The following TRAF4 variants were observed in gnomAD, a reference collection of about 807,000 sequenced individuals.
TRAF4 encodes the protein TNF receptor-associated factor 4.
In TRAF4, 9 loss-of-function variants were observed where a neutral mutation model predicts 47.3. The ratio of observed to expected loss-of-function variants is 0.19; its 90% CI spans 0.11 to 0.33. The LOEUF is 0.33. Ranked by LOEUF, TRAF4 falls within the 10% of genes least tolerant of loss-of-function variation. The pLI, the probability that TRAF4 is intolerant of heterozygous loss-of-function variation, is 1.00. For synonymous variants in TRAF4, 236 were observed against 236.9 expected (o/e 1.00, Z 0.04); for missense variants, 448 against 620.3 (o/e 0.72, Z 2.95).
chr17:28,746,175 G>T (rs1334477866), intron 1 of TRAF4, among the ~76,000 whole-genome samples: 1 of 152,224 alleles, frequency 6.6e-6, no homozygotes, highest in Admixed American at 6.5e-5. Context: ...GTGGGCTCTG[G>T]TTCCGCCTGG....
Position 28,749,669 on chromosome 17 carries a change from T to C in TRAF4, c.*92T>C. 6.4e-7 allele frequency: 1 copy of C among 1,565,412 alleles called. No homozygotes were observed. The highest frequency in any genetic ancestry group is 8.7e-7 in the Non-Finnish European group (1 of 1,154,420). ...GAGAGGGGGCCGGACCCCCGTCAGCTGCTTCTGCTGCCTAGGTTCTGTTAC... is the reference window on the plus strand; with the variant it reads ...GAGAGGGGGCCGGACCCCCGTCAGCCGCTTCTGCTGCCTAGGTTCTGTTAC... On this transcript the variant is annotated 3_prime_UTR_variant, in exon 7 of 7. Transcript: ENST00000262395.
At chr17:28,744,924 G>A (rs1256762290) in intron 1 of TRAF4, 1 of 152,420 alleles carries the variant, frequency 6.6e-6, no homozygotes, top group East Asian at 1.9e-4. Context: ...CACTCGTGTT[G>A]TTACTGAACT....
At position 28,749,684 on chromosome 17, in the gene TRAF4, G is replaced by T. The variant is rs533141775; in HGVS notation, c.*107G>T. On this transcript the variant is annotated 3_prime_UTR_variant, in exon 7 of 7. Transcript: ENST00000262395. ...CCCCGTCAGCTGCTTCTGCTGCCTA[G>T]GTTCTGTTACCCCATCCTCCCTCCC... 1,787 of 1,549,084 alleles carry T rather than the reference G, an allele frequency of 1.2e-3. 2 individuals carry two copies. The highest frequency in any genetic ancestry group is 1.5e-3 in the Non-Finnish European group (1,703 of 1,145,722).
chr17:28,748,218 G>A (rs922212859), intron 4 of TRAF4, 40 bp downstream of exon 4: 9 of 1,612,920 alleles, frequency 5.6e-6, no homozygotes, highest in South Asian at 1.1e-5. Context: ...GGGGGTACCT[G>A]ATGGCCTAGG....
At chr17:28,748,917 C>T (rs767710286) in intron 6 of TRAF4, 28 bp from the exon 7 acceptor site, 85 of 1,587,774 alleles carry the variant, frequency 5.4e-5, no homozygotes, top group Admixed American at 1.2e-4. Context: ...CTCCTCCCTT[C>T]CCCCATGGCC....
chr17:28,744,125 G>C lies in TRAF4; in HGVS notation c.13G>C (p.Asp5His). The stretch of plus-strand genomic sequence containing the variant: ...CCGCTCGCCCGCCATGCCTGGCTTC[G>C]ACTACAAGTTCCTGGAGAAGCCCAA... MPGF[D>H]YKFLEKPKRR... Residue 5 changes from aspartate to histidine, a missense_variant, in exon 1 of 7, where the codon GAC becomes CAC. By Grantham distance (81) the Asp-to-His change is moderately conservative. Coordinates refer to ENST00000262395, the MANE Select transcript of TRAF4 (RefSeq NM_004295.4). 3 of 1,578,808 alleles carry C rather than the reference G, an allele frequency of 1.9e-6. No individual in the cohort carries two copies. Among genetic ancestry groups the C allele is most frequent in the Non-Finnish European group, 1.7e-6 (2 of 1,171,284 alleles).
rs1300360340 is a variant in TRAF4, at chr17:28,749,797, C to T, written c.*220C>T. ...TCTTGGGGTCATGAAGGGCTGGAAA[C>T]AAGTGACCCCAGGGCCTGTCTCCCT... On this transcript the variant is annotated 3_prime_UTR_variant, in exon 7 of 7. Coordinates refer to ENST00000262395, the MANE Select transcript of TRAF4 (RefSeq NM_004295.4). 2 of 782,846 alleles carry T rather than the reference C, an allele frequency of 2.6e-6. No individual in the cohort carries two copies. Among genetic ancestry groups the T allele is most frequent in the African/African-American group, 1.7e-5 (1 of 58,784 alleles). 48.5% of individuals were successfully genotyped at this position (782,846 alleles called of 1,614,324 possible).
In TRAF4 at chr17:28,747,919, G is replaced by T; in HGVS notation, c.272G>T (p.Arg91Leu). Residue 91 changes from arginine (R) to leucine (L), a missense_variant, in exon 3 of 7, where the codon CGC becomes CTC. Coordinates refer to ENST00000262395, the MANE Select transcript of TRAF4 (RefSeq NM_004295.4). ...TGCATCCACAGTGAGGAGGGCTGCC[G>T]CTGGAGTGGGCCACTACGTCATCTA... ...IRCIHSEEGCRWSGPLRHLQG... is the reference protein window; with the variant it reads ...IRCIHSEEGCLWSGPLRHLQG... 1 of 1,614,122 alleles carries T rather than the reference G, an allele frequency of 6.2e-7. No homozygotes were observed.
chr17:28,749,965 C>G lies in TRAF4; in HGVS notation c.*388C>G, dbSNP rs1331245587. 1 of 670,922 alleles carries G rather than the reference C, an allele frequency of 1.5e-6. No individual in the cohort carries two copies. The highest frequency in any genetic ancestry group is 2.1e-5 in the Admixed American group (1 of 48,154). The allele number at this position is 670,922 out of a possible 1,614,324, so 41.6% of individuals were successfully genotyped here. On this transcript the variant is annotated 3_prime_UTR_variant, in exon 7 of 7. Transcript: ENST00000262395. ...TAGTTCAAAGAGTCTGTCTTGAGATCTGATTTTTTCCCCCTTTACCTAGCT... is the reference window on the plus strand; with the variant it reads ...TAGTTCAAAGAGTCTGTCTTGAGATGTGATTTTTTCCCCCTTTACCTAGCT...
intron 1 of TRAF4, among the ~76,000 whole-genome samples, chr17:28,746,376 C>T (rs1245148267): frequency 1.3e-5 from 2 of 152,178 alleles, no homozygotes; most frequent in African/African-American, 4.8e-5. Flanking sequence ...GTGCTGACGG[C>T]CAGGTAGGGT....
rs756992697 is a variant in TRAF4, at chr17:28,750,184, T to TGGCCCC, written c.*608_*613dup. 4.8e-6 allele frequency: 2 copies of TGGCCCC among 414,830 alleles called. No homozygotes were observed. The highest frequency in any genetic ancestry group is 8.7e-6 in the Non-Finnish European group (2 of 230,980). 25.7% of individuals were successfully genotyped at this position (414,830 alleles called of 1,614,324 possible). On this transcript the variant is annotated 3_prime_UTR_variant, in exon 7 of 7. Transcript: ENST00000262395. The stretch of plus-strand genomic sequence containing the variant: ...TCAGAGAAGGGCCGCTGCCTGGGTC[T>TGGCCCC]GGCCCCAGGATCCAGCTTACCTGCT...
At chr17:28,744,367 G>A (rs1468808162) in intron 1 of TRAF4, 112 bp downstream of exon 1, 2 of 1,263,636 alleles carry the variant, frequency 1.6e-6, no homozygotes, top group Non-Finnish European at 2.1e-6. Flanking sequence ...GCGACCCTGT[G>A]ACCTCAGGGG....
intron 1 of TRAF4, 94 bp from the exon 2 acceptor site, chr17:28,747,118 TG>T: frequency 1.4e-6 from 2 of 1,424,294 alleles, no homozygotes; most frequent in Non-Finnish European, 9.6e-7. Flanking sequence ...GGAACCGGTC[TG>T]GTGAGGAAGG....
At position 28,744,160 on chromosome 17, in the gene TRAF4, G is replaced by A; in HGVS notation, c.48G>A (p.Leu16=). Residue 16 remains leucine (L), a synonymous_variant, in exon 1 of 7, where the codon CTG becomes CTA. Transcript: ENST00000262395. ...TCCTGGAGAAGCCCAAGCGACGGCT[G>A]CTGTGCCCACTGTGCGGGAAGCCCA... is the stretch of plus-strand genomic sequence containing the variant. The part of the protein sequence containing the change: ...YKFLEKPKRR[L]LCPLCGKPMR... 1 of 1,595,760 alleles carries A rather than the reference G, an allele frequency of 6.3e-7. No homozygotes were observed. Among genetic ancestry groups the A allele is most frequent in the Admixed American group, 1.7e-5 (1 of 59,836 alleles).
chr17:28,747,446 G>T, intron 2 of TRAF4, 182 bp downstream of exon 2: 3 of 706,048 alleles, frequency 4.2e-6, no homozygotes, highest in Non-Finnish European at 6.8e-6. Flanking sequence ...TGTTTGCCCT[G>T]GAGGGCATGC....
At position 28,749,976 on chromosome 17, in the gene TRAF4, C is replaced by T. The variant is rs2034578680; in HGVS notation, c.*399C>T. The T allele has an allele frequency of 1.5e-6, 1 of 663,446 alleles. No homozygotes were observed. The highest frequency in any genetic ancestry group is 2.7e-5 in the East Asian group (1 of 36,610). 41.1% of individuals were successfully genotyped at this position (663,446 alleles called of 1,614,324 possible). On this transcript the variant is annotated 3_prime_UTR_variant, in exon 7 of 7. Coordinates refer to ENST00000262395, the MANE Select transcript of TRAF4 (RefSeq NM_004295.4). ...GTCTGTCTTGAGATCTGATTTTTTCCCCCTTTACCTAGCTGTGCCCCCTCT... is the reference window on the plus strand; with the variant it reads ...GTCTGTCTTGAGATCTGATTTTTTCTCCCTTTACCTAGCTGTGCCCCCTCT...
rs529072240 is a variant in TRAF4 at position 28,747,836 on chromosome 17, C to A, written c.196-7C>A. 61 of 1,611,380 alleles carry A rather than the reference C, an allele frequency of 3.8e-5. 1 individual carries two copies. The East Asian group carries it at 1.3e-3, about 34-fold the overall frequency. Reference sequence around the variant, plus strand: ...ACCCTGGCCAGTTCCCCCATCCCTACCCCCAGATCTACCCAGACCCGGAGC... The same window carrying A: ...ACCCTGGCCAGTTCCCCCATCCCTAACCCCAGATCTACCCAGACCCGGAGC... On this transcript the variant is annotated splice_polypyrimidine_tract_variant and splice_region_variant and intron_variant, in intron 2 of 6. Coordinates refer to ENST00000262395, the MANE Select transcript of TRAF4 (RefSeq NM_004295.4).
intron 1 of TRAF4, chr17:28,744,646 C>T (rs1597810654): frequency 5.0e-6 from 1 of 199,124 alleles, no homozygotes; most frequent in Admixed American, 6.3e-5. Context: ...CATCTAACCT[C>T]TTCTGATTCT....
chr17:28,745,283 C>G (rs1438311375), intron 1 of TRAF4: 2 of 152,460 alleles, frequency 1.3e-5, no homozygotes, highest in Non-Finnish European at 2.9e-5. Flanking sequence ...CCTTTGTTTT[C>G]TGTTCCCCAC....
Sources: allele counts gnomAD v4.1 joint callset (sites outside exome capture counted in the v4.1 genomes callset), GRCh38; gene constraint gnomAD v4.1.1; transcripts MANE v1.5; gene names NCBI Gene and HGNC (gene_info 2026-07-23, HGNC 2026-07-21).